The following HNF1A variants were observed in gnomAD, a reference collection of about 807,000 sequenced individuals.
HNF1A encodes hepatocyte nuclear factor 1-alpha.
In HNF1A, 21 loss-of-function variants were observed where a neutral mutation model predicts 62.2. That is an observed-to-expected ratio of 0.34 (90% CI 0.24 to 0.49). The LOEUF (loss-of-function observed/expected upper bound fraction) is 0.49. Ranked by LOEUF, HNF1A falls within the 20% of genes least tolerant of loss-of-function variation. The pLI, the probability that HNF1A is intolerant of heterozygous loss-of-function variation, is 0.99. For synonymous variants in HNF1A, 374 were observed against 366.8 expected (o/e 1.02, Z -0.22); for missense variants, 687 against 832.3 (o/e 0.83, Z 2.15).
intron 1 of HNF1A, among the ~76,000 whole-genome samples, chr12:120,982,587 G>A (rs1429649489): frequency 1.3e-5 from 2 of 152,138 alleles, no homozygotes; most frequent in African/African-American, 4.8e-5. Context: ...TCGTCTGCAG[G>A]GTAGAGATGA....
intron 1 of HNF1A, among the ~76,000 whole-genome samples, chr12:120,986,944 G>A (rs967659976): frequency 8.5e-5 from 13 of 152,120 alleles, no homozygotes; most frequent in Admixed American, 6.6e-5. Context: ...AAGAGGCAGG[G>A]ATTGAGACAG....
At chr12:120,982,963 A>G (rs763554740) in intron 1 of HNF1A, among the ~76,000 whole-genome samples, 50 of 152,224 alleles carry the variant, frequency 3.3e-4, no homozygotes, top group Admixed American at 6.5e-5. Flanking sequence ...AGTCTGAAAT[A>G]TCATTAGCCC....
intron 2 of HNF1A, among the ~76,000 whole-genome samples, chr12:120,992,767 C>CA (rs530511690): frequency 6.6e-6 from 1 of 152,100 alleles, no homozygotes; most frequent in Admixed American, 6.6e-5. Context: ...CCCATCTCTC[C>CA]AAAAAATACG....
intron 1 of HNF1A, among the ~76,000 whole-genome samples, chr12:120,987,427 A>T (rs1178805964): frequency 6.7e-6 from 1 of 148,650 alleles, no homozygotes; most frequent in African/African-American, 2.5e-5. Flanking sequence ...GTGAGCCGAG[A>T]TCGCGCCACT....
chr12:120,987,474 CAA>C (rs59729082), intron 1 of HNF1A, among the ~76,000 whole-genome samples: 12 of 62,288 alleles, frequency 1.9e-4, no homozygotes, highest in African/African-American at 3.7e-4. Flanking sequence ...GACTCCATCT[CAA>C]AAAAAAAAAA....
intron 2 of HNF1A, among the ~76,000 whole-genome samples, chr12:120,992,083 G>A (rs1593057266): frequency 1.3e-5 from 2 of 152,194 alleles, no homozygotes; most frequent in East Asian, 3.8e-4. Flanking sequence ...TTCAGTAACA[G>A]GGGACAGAAC....
Position 120,978,722 on chromosome 12 carries a change from G to A in HNF1A, c.-47G>A, listed in dbSNP as rs773528592. The A allele has an allele frequency of 4.4e-6, 7 of 1,576,700 alleles. No homozygotes were observed. Among genetic ancestry groups the A allele is most frequent in the Non-Finnish European group, 6.1e-6 (7 of 1,148,202 alleles). On this transcript the variant is annotated 5_prime_UTR_variant, in exon 1 of 10. Transcript: ENST00000257555. Reference sequence around the variant, plus strand: ...ACGCAACCCACGCGGTGGGGGAGGCGGCTAGCGTGGTGGACCCGGGCCGCG... The same window carrying A: ...ACGCAACCCACGCGGTGGGGGAGGCAGCTAGCGTGGTGGACCCGGGCCGCG...
chr12:120,985,712 C>T (rs755339759), intron 1 of HNF1A, among the ~76,000 whole-genome samples: 22 of 151,536 alleles, frequency 1.5e-4, no homozygotes, highest in Non-Finnish European at 2.8e-4. Flanking sequence ...TGGCTGGGCA[C>T]GGTGGCTCAC....
chr12:120,999,600 G>A lies in HNF1A; in HGVS notation c.1741G>A (p.Ala581Thr), dbSNP rs2135851612. 6.2e-7 allele frequency: 1 copy of A among 1,611,604 alleles called. No homozygotes were observed. The change falls in exon 9 of 10, where the codon GCC becomes ACC. Residue 581 changes from alanine to threonine, a missense_variant. By Grantham distance (58) the Ala-to-Thr change is moderately conservative. Coordinates refer to ENST00000257555, the MANE Select transcript of HNF1A (RefSeq NM_000545.8). ...TGCCAGCATCCAGCACCTGCAGCCG[G>A]CCCACCGGCTCAGCGCCAGCCCCAC... ...DPASIQHLQP[A>T]HRLSASPTVS...
chr12:120,979,708 C>T (rs941747692), intron 1 of HNF1A: 1 of 151,564 alleles, frequency 6.6e-6, no homozygotes, highest in Non-Finnish European at 1.5e-5. Flanking sequence ...AGAGGCTGCC[C>T]GTTCTACATC....
At chr12:120,991,463 G>A (rs556942857) in intron 2 of HNF1A, among the ~76,000 whole-genome samples, 2 of 152,114 alleles carry the variant, frequency 1.3e-5, no homozygotes, top group Non-Finnish European at 2.9e-5. Flanking sequence ...ACATAGTGGC[G>A]CATGCCTGTA....
At chr12:120,989,946 A>G (rs929630729) in intron 2 of HNF1A, among the ~76,000 whole-genome samples, 1 of 152,054 alleles carries the variant, frequency 6.6e-6, no homozygotes, top group African/African-American at 2.4e-5. Context: ...GCTCAGAGGC[A>G]AGGTCTACGG....
chr12:120,991,182 G>C (rs1876816268), intron 2 of HNF1A, among the ~76,000 whole-genome samples: 1 of 152,190 alleles, frequency 6.6e-6, no homozygotes, highest in Admixed American at 6.5e-5. Context: ...CCTAGAAGTG[G>C]ACTGCTGGAA....
chr12:120,998,016 A>G, intron 7 of HNF1A: 1 of 559,624 alleles, frequency 1.8e-6, no homozygotes, highest in Non-Finnish European at 3.2e-6. Context: ...GTGGTGGCTC[A>G]TGCCTGTAAT....
chr12:120,996,308 C>T lies in HNF1A; in HGVS notation c.1002C>T (p.Pro334=). Residue 334 remains proline (P), a synonymous_variant, in exon 5 of 10, where the codon CCC becomes CCT. Coordinates refer to ENST00000257555, the MANE Select transcript of HNF1A (RefSeq NM_000545.8). This position sits in a 1 kb window ranked among gnomAD's most constrained non-coding sequence, Gnocchi z 4.5. ...CGACCAGTGAGACTGCAGAAGTACC[C>T]TCAAGCAGCGGCGGTCCCTTAGTGA... ...QPATSETAEV[P]SSSGGPLVTV... The T allele has an allele frequency of 6.2e-7, 1 of 1,614,210 alleles. No individual in the cohort carries two copies. The highest frequency in any genetic ancestry group is 8.5e-7 in the Non-Finnish European group (1 of 1,180,046).
intron 6 of HNF1A, chr12:120,997,135 G>T: frequency 7.1e-7 from 1 of 1,400,980 alleles, no homozygotes; most frequent in Non-Finnish European, 9.3e-7. Flanking sequence ...GATAGATAAG[G>T]AGCTGCTAGG....
rs754290602 is a variant in HNF1A at position 120,997,655 on chromosome 12, G to A, written c.1491G>A (p.Gln497=). 2.5e-6 allele frequency: 4 copies of A among 1,611,580 alleles called. No individual in the cohort carries two copies. In the South Asian group the frequency reaches 4.4e-5, roughly 18 times the overall value. The change falls in exon 7 of 10, where the codon CAG becomes CAA. Residue 497 remains glutamine (Q), a synonymous_variant. Coordinates refer to ENST00000257555, the MANE Select transcript of HNF1A (RefSeq NM_000545.8). ...TCATGGCCACCATGGCTCAGCTGCA[G>A]AGCCCCCACGGTGAGCGCCCTGTGC... The part of the protein sequence containing the change: ...SPFMATMAQL[Q]SPHALYSHKP...
At chr12:120,989,479 C>T (rs1307802415) in intron 2 of HNF1A, among the ~76,000 whole-genome samples, 3 of 152,198 alleles carry the variant, frequency 2.0e-5, no homozygotes, top group East Asian at 1.9e-4. Context: ...AGGCTGGTCT[C>T]GAACTCCTGA....
intron 4 of HNF1A, among the ~76,000 whole-genome samples, chr12:120,995,406 C>T (rs1444452236): frequency 6.6e-6 from 1 of 151,822 alleles, no homozygotes; most frequent in Non-Finnish European, 1.5e-5. Flanking sequence ...TCCACTCTAC[C>T]CACTCTTCTC....
Sources: gnomAD v4.1 joint callset for allele counts (sites outside exome capture counted in the v4.1 genomes callset) on GRCh38, gnomAD v4.1.1 for gene constraint, Gnocchi (gnomAD v3.1) non-coding constraint, MANE v1.5 for transcripts, NCBI Gene and HGNC (gene_info 2026-07-23, HGNC 2026-07-21) for gene names.